The following KCTD8 variants were observed in gnomAD, a reference collection of about 807,000 sequenced individuals.
KCTD8 encodes the protein potassium channel tetramerization domain containing 8, also known as BTB/POZ domain-containing protein KCTD8.
In KCTD8, 27 loss-of-function variants were observed where a neutral mutation model predicts 31.5. The ratio of observed to expected loss-of-function variants is 0.86; its 90% CI spans 0.63 to 1.18. The LOEUF is 1.18. Ranked by LOEUF, KCTD8 falls within the 50% of genes most tolerant of loss-of-function variation. The pLI is 0.00. For synonymous variants in KCTD8, 290 were observed against 280.0 expected (o/e 1.04, Z -0.36); for missense variants, 658 against 647.7 (o/e 1.02, Z -0.17).
Position 44,230,930 on chromosome 4 carries a change from G to A in KCTD8, c.962-55680C>T, listed in dbSNP as rs77467224. Among the ~76,000 whole-genome samples the A allele has an allele frequency of 8.5e-4, 130 of 152,162 alleles. 4 individuals are homozygous for A. The East Asian group carries it at 0.024, about 29-fold the overall frequency. On this transcript the variant is annotated intron_variant, in intron 1 of 1. Transcript: ENST00000360029. The stretch of plus-strand genomic sequence containing the variant: ...ATAGATGGAAAATAATGTGATTTCT[G>A]AGCCCATCTGGTCATCTGTGCTGGA...
At chr4:44,370,623 A>T (rs188460605) in intron 1 of KCTD8, among the ~76,000 whole-genome samples, 8 of 152,156 alleles carry the variant, frequency 5.3e-5, no homozygotes, top group African/African-American at 1.9e-4. Flanking sequence ...TCAAAGCAGA[A>T]ATAAGGAGGA....
At chr4:44,417,661 A>G (rs115617062) in intron 1 of KCTD8, among the ~76,000 whole-genome samples, 1,105 of 12,522 alleles carry the variant, frequency 0.088, 5 homozygotes, top group Non-Finnish European at 0.18. Flanking sequence ...ATGCTTAATC[A>G]TACTTTTGAA....
chr4:44,282,254 C>A (rs1459245792), intron 1 of KCTD8, among the ~76,000 whole-genome samples: 1 of 152,196 alleles, frequency 6.6e-6, no homozygotes, highest in East Asian at 1.9e-4. Flanking sequence ...GTCATTCTCA[C>A]ATTATTCCAA....
At chr4:44,320,735 T>C (rs977648608) in intron 1 of KCTD8, among the ~76,000 whole-genome samples, 1 of 149,850 alleles carries the variant, frequency 6.7e-6, no homozygotes, top group Admixed American at 6.7e-5. Context: ...ACAATGCTAA[T>C]GAACATATAA....
At chr4:44,247,161 CATGCT>C (rs1422140805) in intron 1 of KCTD8, among the ~76,000 whole-genome samples, 1 of 151,908 alleles carries the variant, frequency 6.6e-6, no homozygotes, top group Non-Finnish European at 1.5e-5. Context: ...CAAAATGTAC[CATGCT>C]ATGCCTCTTC....
In KCTD8 at chr4:44,414,464, T is replaced by G. The variant is rs568916563; in HGVS notation, c.961+33099A>C. On this transcript the variant is annotated intron_variant, in intron 1 of 1. Transcript: ENST00000360029. ...TGCTCTGGGTAGTGGGCTATAAGAATGGCATCATCTCTATTATAAATGTGT... is the reference window on the plus strand; with the variant it reads ...TGCTCTGGGTAGTGGGCTATAAGAAGGGCATCATCTCTATTATAAATGTGT... Among the ~76,000 whole-genome samples, 5 of 152,058 alleles carry G rather than the reference T, an allele frequency of 3.3e-5. No individual in the cohort carries two copies. In the South Asian group the frequency reaches 1.0e-3, roughly 32 times the overall value.
At chr4:44,385,546 T>C (rs1055332986) in intron 1 of KCTD8, among the ~76,000 whole-genome samples, 1 of 151,614 alleles carries the variant, frequency 6.6e-6, no homozygotes, top group Non-Finnish European at 1.5e-5. Flanking sequence ...CATATAAAAA[T>C]TATCTCAAAA....
intron 1 of KCTD8, among the ~76,000 whole-genome samples, chr4:44,214,978 G>T (rs891538950): frequency 6.6e-6 from 1 of 152,074 alleles, no homozygotes; most frequent in African/African-American, 2.4e-5. Context: ...AAATCAGCTG[G>T]CATCATTCAG....
chr4:44,299,187 C>T (rs1358160226), intron 1 of KCTD8, among the ~76,000 whole-genome samples: 1 of 152,008 alleles, frequency 6.6e-6, no homozygotes, highest in African/African-American at 2.4e-5. Flanking sequence ...CTCCATCACC[C>T]AAAGGTAAGC....
In KCTD8 at chr4:44,336,167, A is replaced by G. The variant is rs1334202829; in HGVS notation, c.961+111396T>C. ...TCCGTCTCAAAAAAAAAAAAAAAAA[A>G]AAAAAAAAAGAAAAAATATAAAATT... is the stretch of plus-strand genomic sequence containing the variant. On this transcript the variant is annotated intron_variant, in intron 1 of 1. Transcript: ENST00000360029. Among the ~76,000 whole-genome samples the G allele has an allele frequency of 1.8e-4, 27 of 149,052 alleles. 1 individual carries two copies. In the Middle Eastern group the frequency reaches 0.01, roughly 57 times the overall value.
At chr4:44,267,591 T>A (rs2109369732) in intron 1 of KCTD8, among the ~76,000 whole-genome samples, 1 of 152,118 alleles carries the variant, frequency 6.6e-6, no homozygotes, top group Non-Finnish European at 1.5e-5. Flanking sequence ...CCTCAAAAAA[T>A]TAATGAATCC....
chr4:44,330,364 T>C (rs1718565064), intron 1 of KCTD8, among the ~76,000 whole-genome samples: 1 of 151,954 alleles, frequency 6.6e-6, no homozygotes, highest in African/African-American at 2.4e-5. Context: ...TTTTATTTAG[T>C]TCTGCTGAGC....
intron 1 of KCTD8, among the ~76,000 whole-genome samples, chr4:44,281,814 ATAAT>A (rs1162916742): frequency 6.6e-6 from 1 of 152,068 alleles, no homozygotes; most frequent in Non-Finnish European, 1.5e-5. Flanking sequence ...TTCTCATAAA[ATAAT>A]TAAAACCAGA....
intron 1 of KCTD8, among the ~76,000 whole-genome samples, chr4:44,252,247 AATTT>A (rs1466500476): frequency 6.6e-6 from 1 of 151,632 alleles, no homozygotes; most frequent in African/African-American, 2.4e-5. Context: ...CATATATCAC[AATTT>A]ATTTATCTAC....
chr4:44,362,748 G>C (rs1719530711), intron 1 of KCTD8, among the ~76,000 whole-genome samples: 1 of 150,578 alleles, frequency 6.6e-6, no homozygotes, highest in Non-Finnish European at 1.5e-5. Flanking sequence ...AAGTGGCCTA[G>C]TTTCTTCTGT....
chr4:44,290,483 C>T (rs540234894), intron 1 of KCTD8, among the ~76,000 whole-genome samples: 70 of 152,158 alleles, frequency 4.6e-4, no homozygotes, highest in African/African-American at 1.5e-3. Flanking sequence ...CTACAGAATG[C>T]ACCACTCAAA....
In KCTD8 at chr4:44,218,287, C is replaced by A. The variant is rs79959800; in HGVS notation, c.962-43037G>T. On this transcript the variant is annotated intron_variant, in intron 1 of 1. Coordinates refer to ENST00000360029, the MANE Select transcript of KCTD8 (RefSeq NM_198353.3). The stretch of plus-strand genomic sequence containing the variant: ...TAGCTGGGATTATAAGCATGCACCA[C>A]CACACCCGGCTAATTTTTGTATTTT... Among the ~76,000 whole-genome samples the A allele has an allele frequency of 2.2e-3, 338 of 151,662 alleles. 12 individuals carry two copies. In the East Asian group the frequency reaches 0.054, roughly 24 times the overall value.
intron 1 of KCTD8, among the ~76,000 whole-genome samples, chr4:44,325,728 G>C (rs1029681838): frequency 6.6e-6 from 1 of 151,844 alleles, no homozygotes; most frequent in African/African-American, 2.4e-5. Flanking sequence ...TTATCGGCAG[G>C]CTTGCTTAGT....
chr4:44,194,163 T>C (rs370224823), intron 1 of KCTD8, among the ~76,000 whole-genome samples: 8 of 152,312 alleles, frequency 5.3e-5, no homozygotes, highest in Admixed American at 3.9e-4. Flanking sequence ...AGAAAGGTTC[T>C]GACATAAGGC....
Sources: allele counts gnomAD v4.1 joint callset (sites outside exome capture counted in the v4.1 genomes callset), GRCh38; gene constraint gnomAD v4.1.1; transcripts MANE v1.5; gene names NCBI Gene and HGNC (gene_info 2026-07-23, HGNC 2026-07-21).